The following ITPRID2 variants were observed in gnomAD, a reference collection of about 807,000 sequenced individuals.
ITPRID2 encodes protein ITPRID2.
Under a neutral mutation model 124.3 loss-of-function variants are expected in ITPRID2, and 60 were observed. That is an observed-to-expected ratio of 0.48 (90% CI 0.39 to 0.60). ITPRID2 has a LOEUF of 0.60. Among genes scored for constraint, ITPRID2 ranks in the 20% least tolerant of loss-of-function variants. ITPRID2 has a pLI of 0.00. For synonymous variants in ITPRID2, 521 were observed against 542.9 expected (o/e 0.96, Z 0.56); for missense variants, 1,553 against 1,512.2 (o/e 1.03, Z -0.45).
chr2:181,924,154 A>G (rs924860086), intron 16 of ITPRID2, among the ~76,000 whole-genome samples: 1 of 152,196 alleles, frequency 6.6e-6, no homozygotes, highest in African/African-American at 2.4e-5. Flanking sequence ...ACTGTCTACA[A>G]AGGGCCTACC....
chr2:181,897,097 C>T, intron 4 of ITPRID2, 133 bp downstream of exon 4: 4 of 734,974 alleles, frequency 5.4e-6, no homozygotes, highest in East Asian at 2.5e-5. Flanking sequence ...GCATATTTTA[C>T]ATTACCTTTC....
Position 181,916,228 on chromosome 2 carries a change from G to C in ITPRID2, c.2588G>C (p.Arg863Thr), listed in dbSNP as rs867950490. 1 of 1,614,068 alleles carries C rather than the reference G, an allele frequency of 6.2e-7. No individual in the cohort carries two copies. Among genetic ancestry groups the C allele is most frequent in the African/African-American group, 1.3e-5 (1 of 74,904 alleles). ...WQERPLCEHT[R>T]TLSTHSVPNI... ...GAAAGGCCCCTGTGTGAGCACACAA[G>C]AACTCTGAGCACTCACAGTGTTCCC... The change falls in exon 11 of 18, where the codon AGA becomes ACA. Residue 863 changes from arginine to threonine, a missense_variant. Arg to Thr is a moderately conservative substitution (Grantham distance 71). Coordinates refer to ENST00000431877, the MANE Select transcript of ITPRID2 (RefSeq NM_001130445.3).
chr2:181,908,292 G>T (rs1693313879), intron 8 of ITPRID2, among the ~76,000 whole-genome samples: 1 of 152,058 alleles, frequency 6.6e-6, no homozygotes, highest in Non-Finnish European at 1.5e-5. Context: ...GACAGTGAGA[G>T]ATTTGGTATA....
chr2:181,910,789 CT>C lies in ITPRID2; in HGVS notation c.1486+822del, dbSNP rs1401344294. 6.6e-6 allele frequency among the ~76,000 whole-genome samples: 1 copy of C among 151,906 alleles called. No individual in the cohort carries two copies. Among genetic ancestry groups the C allele is most frequent in the Non-Finnish European group, 1.5e-5 (1 of 67,946 alleles). ...GGAGACAATTTGCATAAATTTTTTT[CT>C]TTTATTGCAATATGGTATTAAGAAA... On this transcript the variant is annotated intron_variant, in intron 9 of 17. Coordinates refer to ENST00000431877, the MANE Select transcript of ITPRID2 (RefSeq NM_001130445.3). This position sits in a 1 kb window ranked among gnomAD's most constrained non-coding sequence, Gnocchi z 4.1.
At chr2:181,898,460 T>C (rs1692390015) in intron 4 of ITPRID2, among the ~76,000 whole-genome samples, 1 of 152,076 alleles carries the variant, frequency 6.6e-6, no homozygotes, top group Non-Finnish European at 1.5e-5. Flanking sequence ...GAAACTGACA[T>C]ATACTATTGC....
chr2:181,922,396 A>C lies in ITPRID2; in HGVS notation c.3659A>C (p.Gln1220Pro), dbSNP rs1249286236. 3 of 1,611,498 alleles carry C rather than the reference A, an allele frequency of 1.9e-6. No homozygotes were observed. Among genetic ancestry groups the C allele is most frequent in the East Asian group, 4.5e-5 (2 of 44,846 alleles). ...MHKNVEQDEL[Q>P]QVIREIKESI... ...AAAAATGTGGAGCAAGATGAGTTGC[A>C]GCAAGTCATACGGGAGGTGGGTAAA... The change falls in exon 16 of 18, where the codon CAG becomes CCG. Residue 1220 changes from glutamine (Q) to proline (P), a missense_variant. Gln to Pro is a moderately conservative substitution (Grantham distance 76). Coordinates refer to ENST00000431877, the MANE Select transcript of ITPRID2 (RefSeq NM_001130445.3).
At position 181,918,645 on chromosome 2, in the gene ITPRID2, T is replaced by A; in HGVS notation, c.2835T>A (p.Thr945=). The stretch of plus-strand genomic sequence containing the variant: ...ATCCTGCTGCTGCTCCATATAGTAC[T>A]CAGAAATCATCTGTTCTACCTCTTT... The part of the protein sequence containing the change: ...GPDPAAAPYS[T]QKSSVLPLYE... Residue 945 remains threonine, a synonymous_variant, in exon 12 of 18, where the codon ACT becomes ACA. Transcript: ENST00000431877. The A allele has an allele frequency of 6.2e-7, 1 of 1,614,150 alleles. No individual in the cohort carries two copies. Among genetic ancestry groups the A allele is most frequent in the Non-Finnish European group, 8.5e-7 (1 of 1,179,986 alleles).
chr2:181,892,240 C>T lies in ITPRID2; in HGVS notation c.174C>T (p.Asp58=), dbSNP rs1279498747. ...ACGAGGAGGAGGACGAGGAGGAGGA[C>T]CTCCCCGGCGCGCAGCTGCCGGCAG... ...TQDEEEDEEE[D]LPGAQLPAAG... The change falls in exon 1 of 18, where the codon GAC becomes GAT. Residue 58 remains aspartate, a synonymous_variant. Transcript: ENST00000431877. The surrounding 1 kb of genome is among the most constrained non-coding windows in gnomAD (Gnocchi z 5.2). 3.9e-6 allele frequency: 6 copies of T among 1,549,844 alleles called. No individual in the cohort carries two copies. In the East Asian group the frequency reaches 7.3e-5, roughly 19 times the overall value.
intron 16 of ITPRID2, among the ~76,000 whole-genome samples, chr2:181,925,172 T>C (rs147249832): frequency 1.2e-3 from 187 of 152,344 alleles, no homozygotes; most frequent in Non-Finnish European, 2.2e-3. Context: ...TGTGTTCTTA[T>C]GGAAATTTCT....
intron 4 of ITPRID2, 61 bp downstream of exon 4, chr2:181,897,025 A>G: frequency 7.0e-7 from 1 of 1,423,694 alleles, no homozygotes; most frequent in Non-Finnish European, 9.9e-7. Context: ...AAAATGAGAA[A>G]GCTGAATGGT....
chr2:181,925,439 T>C (rs1694774294), intron 16 of ITPRID2, among the ~76,000 whole-genome samples: 1 of 152,214 alleles, frequency 6.6e-6, no homozygotes, highest in South Asian at 2.1e-4. Flanking sequence ...TGGGAGACTT[T>C]AGAACTAAAT....
Position 181,922,216 on chromosome 2 carries a change from C to G in ITPRID2, c.3479C>G (p.Pro1160Arg), listed in dbSNP as rs1196278956. 8 of 1,614,120 alleles carry G rather than the reference C, an allele frequency of 5.0e-6. No individual in the cohort carries two copies. The highest frequency in any genetic ancestry group is 2.5e-6 in the Non-Finnish European group (3 of 1,180,058). The change falls in exon 16 of 18, where the codon CCT becomes CGT. Residue 1160 changes from proline (P) to arginine (R), a missense_variant. Coordinates refer to ENST00000431877, the MANE Select transcript of ITPRID2 (RefSeq NM_001130445.3). The part of the protein sequence containing the change: ...RASVALTPTA[P>R]SRTGSVQTPP... The stretch of plus-strand genomic sequence containing the variant: ...TCGGTGGCTCTAACGCCAACAGCTC[C>G]TTCTAGAACAGGCTCTGTGCAGACA...
At chr2:181,906,245 C>T (rs892213198) in intron 8 of ITPRID2, among the ~76,000 whole-genome samples, 3 of 152,122 alleles carry the variant, frequency 2.0e-5, no homozygotes, top group Non-Finnish European at 2.9e-5. Context: ...CACCATCTTT[C>T]TGAGGGCTAT....
In ITPRID2 at chr2:181,907,601, G is replaced by T. The variant is rs1693249474; in HGVS notation, c.1414-2298G>T. ...TGTTAATTATGAAAGGCTGCTTATAGCAAATGACCAGAATTCTACGGAGCA... is the reference window on the plus strand; with the variant it reads ...TGTTAATTATGAAAGGCTGCTTATATCAAATGACCAGAATTCTACGGAGCA... On this transcript the variant is annotated intron_variant, in intron 8 of 17. Transcript: ENST00000431877. The surrounding 1 kb of genome is among the most constrained non-coding windows in gnomAD (Gnocchi z 5.1). Among the ~76,000 whole-genome samples, 2 of 152,058 alleles carry T rather than the reference G, an allele frequency of 1.3e-5. No homozygotes were observed. Among genetic ancestry groups the T allele is most frequent in the South Asian group, 4.1e-4 (2 of 4,822 alleles).
Position 181,910,585 on chromosome 2 carries a change from C to A in ITPRID2, c.1486+614C>A. The A allele has an allele frequency of 1.4e-6, 1 of 697,332 alleles. No individual in the cohort carries two copies. Among genetic ancestry groups the A allele is most frequent in the Non-Finnish European group, 2.6e-6 (1 of 377,938 alleles). The allele number at this position is 697,332 out of a possible 1,614,324, so 43.2% of individuals were successfully genotyped here. A position where few individuals can be genotyped will look rare whatever the true frequency, so the allele number is the denominator to read the frequency against. On this transcript the variant is annotated intron_variant, in intron 9 of 17. Coordinates refer to ENST00000431877, the MANE Select transcript of ITPRID2 (RefSeq NM_001130445.3). This position sits in a 1 kb window ranked among gnomAD's most constrained non-coding sequence, Gnocchi z 4.1. ...TCTTTGGATTTACAAAACTTTTGAGCTTTAGAGAAAGGGAAAGAGGAAGAA... is the reference window on the plus strand; with the variant it reads ...TCTTTGGATTTACAAAACTTTTGAGATTTAGAGAAAGGGAAAGAGGAAGAA...
chr2:181,915,931 C>T lies in ITPRID2; in HGVS notation c.2291C>T (p.Thr764Ile), dbSNP rs995127773. ...GTTCGATTATCTCCAGGAAAAGAGACCAGATGCAGCCCACCTTCCTTCACC... is the reference window on the plus strand; with the variant it reads ...GTTCGATTATCTCCAGGAAAAGAGATCAGATGCAGCCCACCTTCCTTCACC... Reference protein sequence around the residue: ...VNVRLSPGKETRCSPPSFTYK... With the variant: ...VNVRLSPGKEIRCSPPSFTYK... The change falls in exon 11 of 18, where the codon ACC becomes ATC. Residue 764 changes from threonine (T) to isoleucine (I), a missense_variant. By Grantham distance (89) the Thr-to-Ile change is moderately conservative. Transcript: ENST00000431877. 6.2e-7 allele frequency: 1 copy of T among 1,614,048 alleles called. No homozygotes were observed. Among genetic ancestry groups the T allele is most frequent in the Non-Finnish European group, 8.5e-7 (1 of 1,180,040 alleles).
chr2:181,904,129 A>G (rs1386704002), intron 8 of ITPRID2, among the ~76,000 whole-genome samples: 1 of 152,184 alleles, frequency 6.6e-6, no homozygotes, highest in African/African-American at 2.4e-5. Flanking sequence ...AAATTTTTTA[A>G]GATGCCATAC....
In ITPRID2 at chr2:181,915,590, T is replaced by A; in HGVS notation, c.1950T>A (p.Ser650Arg). 6.2e-7 allele frequency: 1 copy of A among 1,614,140 alleles called. No individual in the cohort carries two copies. Among genetic ancestry groups the A allele is most frequent in the East Asian group, 2.2e-5 (1 of 44,872 alleles). ...ASAESDVGKS[S>R]ESEFTQYTTH... ...CTGAAAGTGATGTGGGTAAAAGCAG[T>A]GAAAGTGAATTTACTCAGTATACCA... Residue 650 changes from serine to arginine, a missense_variant, in exon 11 of 18, where the codon AGT (serine) becomes AGA (arginine). Transcript: ENST00000431877.
At position 181,892,862 on chromosome 2, in the gene ITPRID2, A is replaced by C. The variant is rs144901022; in HGVS notation, c.257+202A>C. 1 of 627,076 alleles carries C rather than the reference A, an allele frequency of 1.6e-6. No homozygotes were observed. The highest frequency in any genetic ancestry group is 1.8e-5 in the African/African-American group (1 of 54,676). 38.8% of individuals were successfully genotyped at this position (627,076 alleles called of 1,614,324 possible). On this transcript the variant is annotated intron_variant, in intron 2 of 17. Coordinates refer to ENST00000431877, the MANE Select transcript of ITPRID2 (RefSeq NM_001130445.3). The surrounding 1 kb of genome is among the most constrained non-coding windows in gnomAD (Gnocchi z 5.2). ...CGCTGATTATTTGGTGACCGTGTTG[A>C]CTTTACAGTTAGGACTTGAGCTACT...
Sources: gnomAD v4.1 joint callset for allele counts (sites outside exome capture counted in the v4.1 genomes callset) on GRCh38, gnomAD v4.1.1 for gene constraint, Gnocchi (gnomAD v3.1) non-coding constraint, MANE v1.5 for transcripts, NCBI Gene and HGNC (gene_info 2026-07-23, HGNC 2026-07-21) for gene names.